The following VIPR2 variants were observed in gnomAD, a reference collection of about 807,000 sequenced individuals.
VIPR2 encodes vasoactive intestinal peptide receptor 2.
In VIPR2, 48 loss-of-function variants were observed where a neutral mutation model predicts 58.0. The ratio of observed to expected loss-of-function variants is 0.83; its 90% CI spans 0.66 to 1.05. The LOEUF (loss-of-function observed/expected upper bound fraction) is 1.05, where lower values mean the gene tolerates loss of function less well. Among genes scored for constraint, VIPR2 ranks in the 50% least tolerant of loss-of-function variants. The pLI, the probability that VIPR2 is intolerant of heterozygous loss-of-function variation, is 0.00. For missense variants in VIPR2, 534 were observed against 558.0 expected (o/e 0.96, Z 0.43); for synonymous variants, 243 against 235.2 (o/e 1.03, Z -0.30).
intron 6 of VIPR2, 56 bp from the exon 7 acceptor site, chr7:159,036,958 A>G: frequency 6.4e-7 from 1 of 1,571,714 alleles, no homozygotes; most frequent in Admixed American, 1.7e-5. Flanking sequence ...AACAGCAGCT[A>G]CCAGCAGGCA....
chr7:159,140,026 A>G (rs1797398601), intron 2 of VIPR2, among the ~76,000 whole-genome samples: 1 of 152,260 alleles, frequency 6.6e-6, no homozygotes, highest in South Asian at 2.1e-4. Context: ...AGAATCCCGT[A>G]AGAGAGCTTA....
chr7:159,096,399 G>A lies in VIPR2; in HGVS notation c.357+7358C>T, dbSNP rs966330322. 6.6e-6 allele frequency among the ~76,000 whole-genome samples: 1 copy of A among 152,180 alleles called. No homozygotes were observed. Among genetic ancestry groups the A allele is most frequent in the African/African-American group, 2.4e-5 (1 of 41,460 alleles). On this transcript the variant is annotated intron_variant, in intron 4 of 12. Coordinates refer to ENST00000262178, the MANE Select transcript of VIPR2 (RefSeq NM_003382.5). This position sits in a 1 kb window ranked among gnomAD's most constrained non-coding sequence, Gnocchi z 5.5. ...GCACCGCTGTGTTTCCTACAGGTCC[G>A]CTGCCCTGTGCTGCACATCATCCTG...
Position 159,097,165 on chromosome 7 carries a change from T to A in VIPR2, c.357+6592A>T, listed in dbSNP as rs1395783155. 5.5e-6 allele frequency: 8 copies of A among 1,446,966 alleles called. No individual in the cohort carries two copies. The highest frequency in any genetic ancestry group is 7.3e-6 in the Non-Finnish European group (8 of 1,094,596). The allele number at this position is 1,446,966 out of a possible 1,614,324, so 89.6% of individuals were successfully genotyped here. ...GCATCTGCAGTGCCAGCTGCTGTGATCTTTGTCACCAGGGATGGGAGCCCT... is the reference window on the plus strand; with the variant it reads ...GCATCTGCAGTGCCAGCTGCTGTGAACTTTGTCACCAGGGATGGGAGCCCT... On this transcript the variant is annotated intron_variant, in intron 4 of 12. Transcript: ENST00000262178. This position sits in a 1 kb window ranked among gnomAD's most constrained non-coding sequence, Gnocchi z 5.3.
rs575265008 is a variant in VIPR2, at chr7:159,114,683, G to A, written c.152-4764C>T. On this transcript the variant is annotated intron_variant, in intron 2 of 12. Coordinates refer to ENST00000262178, the MANE Select transcript of VIPR2 (RefSeq NM_003382.5). Reference sequence around the variant, plus strand: ...AAGCCAGGCACTGTGGTAAGTACCTGCAGTCCCAGCCACCCAGGAGGCTGA... The same window carrying A: ...AAGCCAGGCACTGTGGTAAGTACCTACAGTCCCAGCCACCCAGGAGGCTGA... Among the ~76,000 whole-genome samples the A allele has an allele frequency of 2.0e-5, 3 of 152,252 alleles. No homozygotes were observed. In the South Asian group the frequency reaches 6.2e-4, roughly 32 times the overall value.
chr7:159,121,402 T>A (rs1172180498), intron 2 of VIPR2, among the ~76,000 whole-genome samples: 1 of 152,118 alleles, frequency 6.6e-6, no homozygotes, highest in Admixed American at 6.5e-5. Context: ...CACTTCTGAG[T>A]CCAGCAACGT....
intron 6 of VIPR2, among the ~76,000 whole-genome samples, chr7:159,040,751 A>T (rs988097807): frequency 1.3e-5 from 2 of 152,190 alleles, no homozygotes; most frequent in Non-Finnish European, 2.9e-5. Context: ...CCTGTTTCTT[A>T]TACTGAGGTC....
Position 159,127,018 on chromosome 7 carries a change from G to T in VIPR2, c.151+15428C>A, listed in dbSNP as rs1388405947. Among the ~76,000 whole-genome samples, 1 of 152,240 alleles carries T rather than the reference G, an allele frequency of 6.6e-6. No homozygotes were observed. The highest frequency in any genetic ancestry group is 1.5e-5 in the Non-Finnish European group (1 of 68,022). On this transcript the variant is annotated intron_variant, in intron 2 of 12. Coordinates refer to ENST00000262178, the MANE Select transcript of VIPR2 (RefSeq NM_003382.5). The surrounding 1 kb of genome is among the most constrained non-coding windows in gnomAD (Gnocchi z 4.6). The stretch of plus-strand genomic sequence containing the variant: ...CCCTGGCTGGCAAGAGTCCCCTCCT[G>T]GTCCCTAAGAGAAACAGCTAAGACA...
chr7:159,074,108 G>A (rs1373858659), intron 4 of VIPR2, among the ~76,000 whole-genome samples: 3 of 152,230 alleles, frequency 2.0e-5, no homozygotes, highest in Admixed American at 6.5e-5. Context: ...ACTGTTGCTT[G>A]TGGATCATGT....
At chr7:159,082,191 A>C (rs1585438838) in intron 4 of VIPR2, among the ~76,000 whole-genome samples, 1 of 152,336 alleles carries the variant, frequency 6.6e-6, no homozygotes. Flanking sequence ...CACTATTCAC[A>C]ATAGCAAAGA....
rs1385388290 is a variant in VIPR2, at chr7:159,096,309, C to T, written c.357+7448G>A. On this transcript the variant is annotated intron_variant, in intron 4 of 12. Transcript: ENST00000262178. The surrounding 1 kb of genome is among the most constrained non-coding windows in gnomAD (Gnocchi z 5.5). ...GACCCTGCTGCCTTGGATGGTCCAT[C>T]CTGGGTCAGGCACGTACCTCCCCTC... 6.6e-6 allele frequency among the ~76,000 whole-genome samples: 1 copy of T among 152,236 alleles called. No individual in the cohort carries two copies. Among genetic ancestry groups the T allele is most frequent in the Non-Finnish European group, 1.5e-5 (1 of 68,034 alleles).
intron 2 of VIPR2, among the ~76,000 whole-genome samples, chr7:159,118,545 G>A (rs962896546): frequency 2.6e-5 from 4 of 152,184 alleles, no homozygotes; most frequent in Non-Finnish European, 4.4e-5. Flanking sequence ...GGGTGTTTAC[G>A]GTGAATGAGA....
chr7:159,094,687 G>A (rs1857722906), intron 4 of VIPR2, among the ~76,000 whole-genome samples: 1 of 152,204 alleles, frequency 6.6e-6, no homozygotes, highest in African/African-American at 2.4e-5. Context: ...GCGTGTACAC[G>A]GCTGTGAGGC....
chr7:159,128,700 A>T lies in VIPR2; in HGVS notation c.151+13746T>A, dbSNP rs954813059. On this transcript the variant is annotated intron_variant, in intron 2 of 12. Transcript: ENST00000262178. The surrounding 1 kb of genome is among the most constrained non-coding windows in gnomAD (Gnocchi z 4.1). ...AGGAACTCGATCAATGAGTTTCCTC[A>T]TTTCCAGGAATGCCCTAATTCCTTC... 2.6e-5 allele frequency among the ~76,000 whole-genome samples: 4 copies of T among 152,182 alleles called. No homozygotes were observed. Among genetic ancestry groups the T allele is most frequent in the Non-Finnish European group, 4.4e-5 (3 of 68,038 alleles).
At chr7:159,033,663 C>T (rs946382404) in intron 10 of VIPR2, among the ~76,000 whole-genome samples, 10 of 152,052 alleles carry the variant, frequency 6.6e-5, no homozygotes, top group African/African-American at 9.7e-5. Context: ...GGGCAGGAAA[C>T]GCTTTCTGAA....
At chr7:159,069,704 T>C (rs1489891463) in intron 4 of VIPR2, among the ~76,000 whole-genome samples, 1 of 152,186 alleles carries the variant, frequency 6.6e-6, no homozygotes, top group Non-Finnish European at 1.5e-5. Flanking sequence ...TCATGTCTAA[T>C]ATGCTGTTTA....
At chr7:159,144,283 G>A (rs1295349894) in intron 1 of VIPR2, 1 of 1,360,514 alleles carries the variant, frequency 7.4e-7, no homozygotes, top group Non-Finnish European at 9.5e-7. Flanking sequence ...ACGTCCCCCC[G>A]ACACTAAAAC....
In VIPR2 at chr7:159,089,752, G is replaced by A. The variant is rs62485857; in HGVS notation, c.357+14005C>T. Among the ~76,000 whole-genome samples, 800 of 152,284 alleles carry A rather than the reference G, an allele frequency of 5.3e-3. 3 individuals are homozygous for A. Among genetic ancestry groups the A allele is most frequent in the Admixed American group, 9.4e-3 (143 of 15,294 alleles). ...TGTCCCAATGTCACAAAAAGTGCAC[G>A]GGACCCTAACAACTAATACCTCACT... is the stretch of plus-strand genomic sequence containing the variant. On this transcript the variant is annotated intron_variant, in intron 4 of 12. Coordinates refer to ENST00000262178, the MANE Select transcript of VIPR2 (RefSeq NM_003382.5).
chr7:159,125,066 T>C (rs1796603577), intron 2 of VIPR2, among the ~76,000 whole-genome samples: 1 of 152,220 alleles, frequency 6.6e-6, no homozygotes, highest in Non-Finnish European at 1.5e-5. Flanking sequence ...AGATATAGAA[T>C]CATGTCATCT....
In VIPR2 at chr7:159,054,400, T is replaced by A. The variant is rs115558532; in HGVS notation, c.455+4081A>T. On this transcript the variant is annotated intron_variant, in intron 5 of 12. Transcript: ENST00000262178. The stretch of plus-strand genomic sequence containing the variant: ...CAAAGACCACGAAGAGAGCTTAAAC[T>A]CAGTCACAGAGCTGGAGACAAAATC... Among the ~76,000 whole-genome samples the A allele has an allele frequency of 3.7e-3, 562 of 152,268 alleles. 3 individuals are homozygous for A. The highest frequency in any genetic ancestry group is 0.013 in the African/African-American group (525 of 41,548).
Sources: gnomAD v4.1 joint callset for allele counts (sites outside exome capture counted in the v4.1 genomes callset) on GRCh38, gnomAD v4.1.1 for gene constraint, Gnocchi (gnomAD v3.1) non-coding constraint, MANE v1.5 for transcripts, NCBI Gene and HGNC (gene_info 2026-07-23, HGNC 2026-07-21) for gene names.